KIAA1217: variants seen among roughly 807,000 people sequenced by gnomAD.
KIAA1217 encodes KIAA1217.
Under a neutral mutation model 163.9 loss-of-function variants are expected in KIAA1217, and 88 were observed. That is an observed-to-expected ratio of 0.54 (90% CI 0.45 to 0.64). KIAA1217 has a LOEUF of 0.64. KIAA1217 is among the 30% of genes least tolerant of loss of function. KIAA1217 has a pLI of 0.00. For missense variants in KIAA1217, 2,372 were observed against 2,475.0 expected, an observed-to-expected ratio of 0.96 and a Z score of 0.88; for synonymous variants, 903 against 923.1, an observed-to-expected ratio of 0.98 and a Z score of 0.39.
At chr10:24,369,572 C>T (rs1253675758) in intron 2 of KIAA1217, among the ~76,000 whole-genome samples, 7 of 152,164 alleles carry the variant, frequency 4.6e-5, no homozygotes, top group Non-Finnish European at 8.8e-5. Context: ...TGGGATCCCA[C>T]ATCCTCTCCA....
chr10:24,202,152 TA>T (rs2067297001), intron 2 of KIAA1217, among the ~76,000 whole-genome samples: 2 of 152,200 alleles, frequency 1.3e-5, no homozygotes, highest in Admixed American at 1.3e-4. Context: ...CTGTTTCTCT[TA>T]AAGCCTATGG....
intron 2 of KIAA1217, among the ~76,000 whole-genome samples, chr10:24,151,878 G>A (rs1360872190): frequency 6.6e-6 from 1 of 152,134 alleles, no homozygotes; most frequent in Non-Finnish European, 1.5e-5. Context: ...CAGCTGGTTA[G>A]TGGCAAAGCT....
At chr10:23,697,459 G>A (rs7916300) in intron 1 of KIAA1217, among the ~76,000 whole-genome samples, 22,116 of 151,936 alleles carry the variant, frequency 0.15, 3,756 homozygotes, top group African/African-American at 0.41. Flanking sequence ...ATTGCAGTAC[G>A]GTAGAAGGTG....
chr10:23,903,854 C>T (rs1390381213), intron 1 of KIAA1217, among the ~76,000 whole-genome samples: 2 of 152,056 alleles, frequency 1.3e-5, no homozygotes, highest in African/African-American at 4.8e-5. Flanking sequence ...GATAGCTTCC[C>T]TTATATTAAA....
At chr10:23,971,522 C>T (rs371540637) in intron 1 of KIAA1217, among the ~76,000 whole-genome samples, 14 of 152,274 alleles carry the variant, frequency 9.2e-5, no homozygotes, top group African/African-American at 7.2e-5. Flanking sequence ...AACAACTATA[C>T]CTTCCTTCCC....
intron 2 of KIAA1217, among the ~76,000 whole-genome samples, chr10:24,239,994 C>T (rs1217813381): frequency 6.6e-6 from 1 of 152,016 alleles, no homozygotes; most frequent in African/African-American, 2.4e-5. Context: ...ATAAAGACTT[C>T]TTGGAGGAAG....
rs181105963 is a variant in KIAA1217, at chr10:23,730,211, T to A, written c.-321+34977T>A. ...CCACCATGCCCGGCTTCTATGAATT[T>A]TAAAGTTCTGCTTTTTACATCTGTG... On this transcript the variant is annotated intron_variant, in intron 1 of 18. Coordinates refer to the KIAA1217 transcript ENST00000376462. 2.0e-3 allele frequency among the ~76,000 whole-genome samples: 307 copies of A among 152,358 alleles called. 1 individual carries two copies. Among genetic ancestry groups the A allele is most frequent in the Non-Finnish European group, 3.7e-3 (252 of 68,034 alleles).
intron 2 of KIAA1217, among the ~76,000 whole-genome samples, chr10:24,143,942 A>G (rs2064195061): frequency 6.6e-6 from 1 of 152,230 alleles, no homozygotes; most frequent in South Asian, 2.1e-4. Context: ...CAGACACTCA[A>G]TGAATCATGG....
rs775753444 is a variant in KIAA1217 at position 24,533,115 on chromosome 10, A to G, written c.3292A>G (p.Lys1098Glu). ...ACCAAGCCCACAGACCAGAGCTACA[A>G]AATATCCAGCAGAGGAGCCTGCTTC... Reference protein sequence around the residue: ...AGPSPQTRATKYPAEEPASAW... With the variant: ...AGPSPQTRATEYPAEEPASAW... The change falls in exon 16 of 21, where the codon AAA becomes GAA. Residue 1098 changes from lysine to glutamate, a missense_variant. Around this residue, in one of 3 missense-constraint regions of KIAA1217, gnomAD observed 1,431 missense variants for 1,470.3 expected, o/e 0.97. Coordinates refer to ENST00000376454, the MANE Select transcript of KIAA1217 (RefSeq NM_019590.5). The G allele has an allele frequency of 1.2e-6, 2 of 1,613,918 alleles. No individual in the cohort carries two copies. The highest frequency in any genetic ancestry group is 8.5e-7 in the Non-Finnish European group (1 of 1,179,966).
chr10:24,059,092 G>C (rs890655285), intron 2 of KIAA1217, among the ~76,000 whole-genome samples: 2 of 152,060 alleles, frequency 1.3e-5, no homozygotes, highest in Admixed American at 6.5e-5. Flanking sequence ...TATCATGAAG[G>C]TTTCAATTTT....
intron 2 of KIAA1217, among the ~76,000 whole-genome samples, chr10:24,363,582 T>G (rs2050327478): frequency 1.3e-5 from 2 of 150,424 alleles, no homozygotes; most frequent in South Asian, 4.2e-4. Flanking sequence ...TTTTTTTTTT[T>G]GAAACAGGGT....
chr10:24,210,169 T>C (rs2067889213), intron 1 of KIAA1217, among the ~76,000 whole-genome samples: 1 of 151,858 alleles, frequency 6.6e-6, no homozygotes, highest in Non-Finnish European at 1.5e-5. Context: ...GTAGGGATTA[T>C]GCACAGGGGA....
At chr10:24,082,734 G>T (rs2061578824) in intron 2 of KIAA1217, among the ~76,000 whole-genome samples, 1 of 152,200 alleles carries the variant, frequency 6.6e-6, no homozygotes, top group Non-Finnish European at 1.5e-5. Context: ...ATAATAAGAT[G>T]ATTTATATTT....
chr10:24,004,913 A>G (rs1208163068), intron 1 of KIAA1217, among the ~76,000 whole-genome samples: 1 of 152,234 alleles, frequency 6.6e-6, no homozygotes, highest in Non-Finnish European at 1.5e-5. Context: ...AGTGACCAGA[A>G]GCCTTGTTTG....
chr10:24,376,092 G>A (rs549020928), intron 2 of KIAA1217, among the ~76,000 whole-genome samples: 4 of 152,258 alleles, frequency 2.6e-5, no homozygotes, highest in African/African-American at 7.2e-5. Context: ...GCAAATATTT[G>A]TTCATGATGT....
chr10:24,429,025 G>A (rs936017950), intron 3 of KIAA1217, among the ~76,000 whole-genome samples: 5 of 152,154 alleles, frequency 3.3e-5, no homozygotes, highest in Admixed American at 3.3e-4. Context: ...ATGGAGAATG[G>A]CTACTAAAAT....
At chr10:24,246,901 C>T (rs2073865552) in intron 2 of KIAA1217, among the ~76,000 whole-genome samples, 1 of 151,946 alleles carries the variant, frequency 6.6e-6, no homozygotes, top group Admixed American at 6.6e-5. Flanking sequence ...GCAATTCCAG[C>T]TACTTAGGAG....
At chr10:24,523,709 G>A (rs879331682) in intron 12 of KIAA1217, among the ~76,000 whole-genome samples, 11 of 152,106 alleles carry the variant, frequency 7.2e-5, no homozygotes, top group Non-Finnish European at 1.6e-4. Context: ...AGTTCTCAAC[G>A]TTATATAAAG....
At chr10:24,320,839 C>T (rs1467518043) in intron 2 of KIAA1217, among the ~76,000 whole-genome samples, 1 of 151,752 alleles carries the variant, frequency 6.6e-6, no homozygotes, top group Admixed American at 6.6e-5. Flanking sequence ...GTCGGGAGAT[C>T]GAGACCATCC....
Sources: gnomAD v4.1 joint callset for allele counts (sites outside exome capture counted in the v4.1 genomes callset) on GRCh38, gnomAD v4.1.1 for gene constraint, gnomAD v4.1.1 regional missense constraint, MANE v1.5 for transcripts, NCBI Gene and HGNC (gene_info 2026-07-23, HGNC 2026-07-21) for gene names.